Variants in NCKAP5 observed in about 807,000 individuals in gnomAD.
NCKAP5 encodes the protein nck-associated protein 5.
Under a neutral mutation model 167.0 loss-of-function variants are expected in NCKAP5, and 92 were observed. The observed-to-expected ratio is 0.55, with a 90% CI of 0.47 to 0.66. The LOEUF (loss-of-function observed/expected upper bound fraction) is 0.66. NCKAP5 is among the 30% of genes least tolerant of loss of function. NCKAP5 has a pLI of 0.00. For missense variants in NCKAP5, 2,378 were observed against 2,315.0 expected (o/e 1.03, Z -0.56); for synonymous variants, 891 against 877.4 (o/e 1.02, Z -0.27).
At chr2:132,845,826 T>C (rs771586461) in intron 11 of NCKAP5, among the ~76,000 whole-genome samples, 4 of 152,202 alleles carry the variant, frequency 2.6e-5, no homozygotes, top group Non-Finnish European at 2.9e-5. Context: ...AAAAATTGTG[T>C]TGTATTTTGA....
At position 133,567,701 on chromosome 2, in the gene NCKAP5, T is replaced by TG. The variant is rs879405003; in HGVS notation, c.-130+514_-130+515insC. Among the ~76,000 whole-genome samples the TG allele has an allele frequency of 7.4e-3, 509 of 68,730 alleles. 2 individuals carry two copies. The highest frequency in any genetic ancestry group is 0.011 in the Non-Finnish European group (367 of 32,196). The allele number at this position is 68,730 out of a possible 152,430, so 45.1% of individuals were successfully genotyped here. Reference sequence around the variant, plus strand: ...TGTGTGTGTGTGTGTGTGTGTGTGTTTGGGGAGAGAGTGTAGGTAGGAGGG... The same window carrying TG: ...TGTGTGTGTGTGTGTGTGTGTGTGTTGTGGGGAGAGAGTGTAGGTAGGAGGG... On this transcript the variant is annotated intron_variant, in intron 1 of 19. Transcript: ENST00000409261.
At chr2:133,520,180 C>T (rs186958213) in intron 2 of NCKAP5, among the ~76,000 whole-genome samples, 265 of 152,082 alleles carry the variant, frequency 1.7e-3, no homozygotes, top group Non-Finnish European at 2.8e-3. Context: ...GGCTACAGAG[C>T]GAGACTCCAT....
At position 133,474,112 on chromosome 2, in the gene NCKAP5, ATATC is replaced by A. The variant is rs10668136; in HGVS notation, c.69+43342_69+43345del. ...CAGATGAATGGATAAAGAAAATGTGATATCTATCTATCTATCTATCTATCTATCT... is the reference window on the plus strand; with the variant it reads ...CAGATGAATGGATAAAGAAAATGTGATATCTATCTATCTATCTATCTATCT... On this transcript the variant is annotated intron_variant, in intron 3 of 19. Transcript: ENST00000409261. Among the ~76,000 whole-genome samples the A allele has an allele frequency of 3.6e-3, 500 of 137,954 alleles. 5 individuals are homozygous for A. The East Asian group carries it at 0.046, about 13-fold the overall frequency. 90.5% of individuals were successfully genotyped at this position (137,954 alleles called of 152,430 possible).
intron 2 of NCKAP5, among the ~76,000 whole-genome samples, chr2:133,539,186 T>C (rs7585890): frequency 0.28 from 42,843 of 151,886 alleles, 6,474 homozygotes; most frequent in East Asian, 0.37. Flanking sequence ...ATGATCCACC[T>C]GCCTCGGCCT....
At chr2:133,438,418 T>C (rs971673034) in intron 3 of NCKAP5, among the ~76,000 whole-genome samples, 2 of 152,222 alleles carry the variant, frequency 1.3e-5, no homozygotes, top group African/African-American at 4.8e-5. Flanking sequence ...TGATTATACT[T>C]GTAACACATC....
chr2:133,593,383 A>T, the NCKAP5 span, among the ~76,000 whole-genome samples: 1 of 152,050 alleles, frequency 6.6e-6, no homozygotes, highest in Non-Finnish European at 1.5e-5. Flanking sequence ...AAAAAAAAAA[A>T]GCCAGCATAC....
chr2:133,325,286 TG>T (rs1682357480), intron 3 of NCKAP5, among the ~76,000 whole-genome samples: 1 of 152,186 alleles, frequency 6.6e-6, no homozygotes, highest in South Asian at 2.1e-4. Context: ...CTCTGGCCTT[TG>T]GGGAAGGATG....
rs71909848 is a variant in NCKAP5 at position 133,174,702 on chromosome 2, CT to C, written c.207+39013del. On this transcript the variant is annotated intron_variant, in intron 5 of 19. Transcript: ENST00000409261. ...CACAACAAAATATTCCAAGTAACATCTTTTTTTTTTTTTCTCCCCCCTGCTC... is the reference window on the plus strand; with the variant it reads ...CACAACAAAATATTCCAAGTAACATCTTTTTTTTTTTTCTCCCCCCTGCTC... Among the ~76,000 whole-genome samples the C allele has an allele frequency of 1.2e-3, 167 of 144,698 alleles. No homozygotes were observed. The East Asian group carries it at 0.016, about 14-fold the overall frequency. 94.9% of individuals were successfully genotyped at this position (144,698 alleles called of 152,430 possible). A position where few individuals can be genotyped will look rare whatever the true frequency, so the allele number is the denominator to read the frequency against.
the NCKAP5 span, among the ~76,000 whole-genome samples, chr2:133,602,772 G>A: frequency 0.35 from 53,201 of 152,070 alleles, 10,881 homozygotes; most frequent in Middle Eastern, 0.55. Context: ...GTCAACCCCC[G>A]GGTTAAGGGA....
chr2:132,713,597 C>T (rs1294249897), intron 19 of NCKAP5, among the ~76,000 whole-genome samples: 1 of 149,262 alleles, frequency 6.7e-6, no homozygotes, highest in Non-Finnish European at 1.5e-5. Context: ...GTGGCCTTGC[C>T]TTCTGAATAA....
intron 2 of NCKAP5, among the ~76,000 whole-genome samples, chr2:133,538,931 GTTTTTTTTTT>G (rs71412735): frequency 8.3e-5 from 9 of 108,586 alleles, no homozygotes; most frequent in Non-Finnish European, 1.2e-4. Context: ...GTTTTTTTGG[GTTTTTTTTTT>G]TTTTTTTTTT....
chr2:133,021,958 G>A (rs1376719016), intron 6 of NCKAP5, among the ~76,000 whole-genome samples: 1 of 152,144 alleles, frequency 6.6e-6, no homozygotes, highest in Non-Finnish European at 1.5e-5. Context: ...GCAAGGGAAT[G>A]GACAATGGTA....
the NCKAP5 span, among the ~76,000 whole-genome samples, chr2:133,644,556 C>T: frequency 9.8e-5 from 15 of 152,312 alleles, no homozygotes; most frequent in East Asian, 2.9e-3. Context: ...CATTTCAGCT[C>T]TAGACAATAT....
intron 6 of NCKAP5, among the ~76,000 whole-genome samples, chr2:133,060,858 C>T (rs976355403): frequency 2.0e-5 from 3 of 151,994 alleles, no homozygotes; most frequent in African/African-American, 7.2e-5. Flanking sequence ...ATGCTCTTCC[C>T]CTAGTGGGCT....
intron 5 of NCKAP5, among the ~76,000 whole-genome samples, chr2:133,186,099 G>A (rs2084934056): frequency 6.6e-6 from 1 of 152,110 alleles, no homozygotes; most frequent in African/African-American, 2.4e-5. Flanking sequence ...CTGTAGGTTT[G>A]TCATAAATGG....
upstream of NCKAP5, among the ~76,000 whole-genome samples, chr2:133,569,424 T>G (rs966293630): frequency 3.3e-5 from 5 of 152,236 alleles, 1 homozygote; most frequent in Non-Finnish European, 7.3e-5. Context: ...CTTGCTGCTT[T>G]TTATATACTG....
intron 4 of NCKAP5, among the ~76,000 whole-genome samples, chr2:133,271,048 T>A (rs1352971895): frequency 1.3e-5 from 2 of 151,084 alleles, no homozygotes; most frequent in Non-Finnish European, 2.9e-5. Flanking sequence ...GCCTCCCGAG[T>A]AGCTGGGACT....
intron 5 of NCKAP5, among the ~76,000 whole-genome samples, chr2:133,131,832 A>G (rs2082612234): frequency 6.6e-6 from 1 of 152,172 alleles, no homozygotes; most frequent in Non-Finnish European, 1.5e-5. Flanking sequence ...ATTTTACTAT[A>G]ATAAAATAAA....
intron 3 of NCKAP5, among the ~76,000 whole-genome samples, chr2:133,492,266 C>G (rs1047368727): frequency 6.6e-5 from 10 of 152,080 alleles, no homozygotes; most frequent in Non-Finnish European, 1.5e-4. Flanking sequence ...CCCCACCATT[C>G]ACCACATAAG....
Sources: gnomAD v4.1 joint callset for allele counts (sites outside exome capture counted in the v4.1 genomes callset) on GRCh38, gnomAD v4.1.1 for gene constraint, MANE v1.5 for transcripts, NCBI Gene and HGNC (gene_info 2026-07-23, HGNC 2026-07-21) for gene names.